Variants in MTMR2 observed in about 807,000 individuals in gnomAD.
MTMR2 encodes myotubularin related protein 2, also known as phosphatidylinositol-3,5-bisphosphate 3-phosphatase MTMR2.
Under a neutral mutation model 86.9 loss-of-function variants are expected in MTMR2, and 55 were observed. The ratio of observed to expected loss-of-function variants is 0.63; its 90% CI spans 0.51 to 0.79. The LOEUF (loss-of-function observed/expected upper bound fraction) is 0.79. Among genes scored for constraint, MTMR2 ranks in the 30% least tolerant of loss-of-function variants. MTMR2 has a pLI of 0.00. For missense variants in MTMR2, 659 were observed against 772.3 expected (o/e 0.85, Z 1.74); for synonymous variants, 241 against 266.8 (o/e 0.90, Z 0.94).
At chr11:95,850,084 T>C (rs1863959722) in intron 8 of MTMR2, among the ~76,000 whole-genome samples, 1 of 152,140 alleles carries the variant, frequency 6.6e-6, no homozygotes, top group Non-Finnish European at 1.5e-5. Flanking sequence ...TAGGAAAGTA[T>C]TTGATTATTG....
chr11:95,840,520 A>G (rs780013944), intron 12 of MTMR2, among the ~76,000 whole-genome samples: 1 of 152,156 alleles, frequency 6.6e-6, no homozygotes, highest in Non-Finnish European at 1.5e-5. Context: ...CAACACACCA[A>G]AGGTCTGATT....
At chr11:95,839,476 G>A (rs537625872) in intron 12 of MTMR2, among the ~76,000 whole-genome samples, 1 of 152,186 alleles carries the variant, frequency 6.6e-6, no homozygotes, top group African/African-American at 2.4e-5. Flanking sequence ...AAAACTGTTA[G>A]CTCAGTTATG....
At position 95,910,098 on chromosome 11, in the gene MTMR2, AAC is replaced by A. The variant is rs137969295; in HGVS notation, c.80+13775_80+13776del. 2.6e-4 allele frequency among the ~76,000 whole-genome samples: 38 copies of A among 148,686 alleles called. 1 individual carries two copies. Among genetic ancestry groups the A allele is most frequent in the South Asian group, 1.9e-3 (9 of 4,678 alleles). ...TTGGGGAGAAATTTTTTTAAATATAAACACACACACACACACGCACGCATGCA... is the reference window on the plus strand; with the variant it reads ...TTGGGGAGAAATTTTTTTAAATATAAACACACACACACACGCACGCATGCA... On this transcript the variant is annotated intron_variant, in intron 1 of 14. Transcript: ENST00000346299.
chr11:95,899,730 CAGTGACTTGTT>C (rs1866003716), intron 1 of MTMR2, among the ~76,000 whole-genome samples: 2 of 151,742 alleles, frequency 1.3e-5, no homozygotes, highest in Non-Finnish European at 2.9e-5. Flanking sequence ...ATTTGCTGGC[CAGTGACTTGTT>C]AGTAGGATTT....
chr11:95,836,145 T>A lies in MTMR2; in HGVS notation c.1770+3A>T, dbSNP rs756909627. 1.9e-6 allele frequency: 3 copies of A among 1,612,026 alleles called. No individual in the cohort carries two copies. Among genetic ancestry groups the A allele is most frequent in the Non-Finnish European group, 2.5e-6 (3 of 1,178,312 alleles). On this transcript the variant is annotated splice_donor_region_variant and intron_variant, in intron 14 of 14. Coordinates refer to ENST00000346299, the MANE Select transcript of MTMR2 (RefSeq NM_016156.6). Reference sequence around the variant, plus strand: ...CTCCCATTGTATATTGTAAGGCACATACCTGTGGTTTCATCCGTGGATTCC... The same window carrying A: ...CTCCCATTGTATATTGTAAGGCACAAACCTGTGGTTTCATCCGTGGATTCC...
At chr11:95,851,085 C>CA (rs1864003243) in intron 7 of MTMR2, among the ~76,000 whole-genome samples, 1 of 103,858 alleles carries the variant, frequency 9.6e-6, no homozygotes, top group African/African-American at 3.9e-5. Context: ...TTTTTTGAGA[C>CA]AGAGTCTCAC....
intron 7 of MTMR2, among the ~76,000 whole-genome samples, chr11:95,856,142 C>T (rs1008169411): frequency 6.6e-6 from 1 of 151,908 alleles, no homozygotes; most frequent in African/African-American, 2.4e-5. Context: ...AATACCCACA[C>T]ATATATACAC....
chr11:95,896,303 A>AT (rs543694775), intron 1 of MTMR2, among the ~76,000 whole-genome samples: 148 of 149,434 alleles, frequency 9.9e-4, no homozygotes, highest in African/African-American at 2.7e-3. Flanking sequence ...TTGATTAATG[A>AT]TTTTTTTTTG....
rs182004069 is a variant in MTMR2 at position 95,845,282 on chromosome 11, T to A, written c.1180-123A>T. ...TAACATGAGGAAAAACATTTGTCCC[T>A]TCCTAAGAAGAATTTTTTTAAATGG... On this transcript the variant is annotated intron_variant, in intron 10 of 14. Transcript: ENST00000346299. 2.6e-5 allele frequency: 24 copies of A among 909,046 alleles called. 1 individual carries two copies. The highest frequency in any genetic ancestry group is 2.5e-4 in the African/African-American group (15 of 60,382). The allele number at this position is 909,046 out of a possible 1,614,324, so 56.3% of individuals were successfully genotyped here.
intron 13 of MTMR2, among the ~76,000 whole-genome samples, chr11:95,836,534 T>C (rs1863294943): frequency 6.6e-6 from 1 of 151,970 alleles, no homozygotes; most frequent in Admixed American, 6.6e-5. Flanking sequence ...GACCCAACAA[T>C]TCCACTCTTG....
intron 1 of MTMR2, among the ~76,000 whole-genome samples, chr11:95,908,356 A>G (rs1283974897): frequency 1.3e-5 from 2 of 152,198 alleles, no homozygotes; most frequent in Non-Finnish European, 2.9e-5. Flanking sequence ...AAGCAAATTG[A>G]AACACATTCC....
chr11:95,916,513 G>A (rs1366364027), intron 1 of MTMR2, among the ~76,000 whole-genome samples: 1 of 151,884 alleles, frequency 6.6e-6, no homozygotes, highest in African/African-American at 2.4e-5. Flanking sequence ...GACAATCTGG[G>A]TCCTTGATAC....
At chr11:95,851,383 G>C (rs1864017072) in intron 7 of MTMR2, among the ~76,000 whole-genome samples, 1 of 150,964 alleles carries the variant, frequency 6.6e-6, no homozygotes, top group Admixed American at 6.6e-5. Context: ...TTTTTTTGGA[G>C]ACAGAGTTTC....
At chr11:95,914,881 C>T (rs1441133019) in intron 1 of MTMR2, among the ~76,000 whole-genome samples, 4 of 152,080 alleles carry the variant, frequency 2.6e-5, no homozygotes, top group Non-Finnish European at 5.9e-5. Flanking sequence ...CCGTTTTCTT[C>T]TCTGTAAAAT....
intron 2 of MTMR2, among the ~76,000 whole-genome samples, chr11:95,868,318 GA>G (rs1193599555): frequency 1.0e-4 from 10 of 96,498 alleles, no homozygotes; most frequent in Non-Finnish European, 2.3e-4. Context: ...AAAAGAAAAA[GA>G]AAAAAAAGAA....
At chr11:95,921,085 G>A (rs1400828405) in intron 1 of MTMR2, among the ~76,000 whole-genome samples, 1 of 152,132 alleles carries the variant, frequency 6.6e-6, no homozygotes, top group African/African-American at 2.4e-5. Flanking sequence ...ACCACCTTCA[G>A]ATATAAATTT....
chr11:95,835,551 G>C (rs1373043660), intron 14 of MTMR2, 100 bp from the exon 15 acceptor site: 3 of 1,212,374 alleles, frequency 2.5e-6, no homozygotes. Flanking sequence ...TCAGCTGTTG[G>C]AACCAATGGC....
At chr11:95,914,782 G>A (rs4297422) in intron 1 of MTMR2, among the ~76,000 whole-genome samples, 1 of 152,084 alleles carries the variant, frequency 6.6e-6, no homozygotes, top group African/African-American at 2.4e-5. Context: ...TGGGGCACTA[G>A]ATCTTCAGGC....
At position 95,923,800 on chromosome 11, in the gene MTMR2, G is replaced by C. The variant is rs1867024066; in HGVS notation, c.80+75C>G. The C allele has an allele frequency of 1.8e-5, 27 of 1,521,404 alleles. No homozygotes were observed. The South Asian group carries it at 2.9e-4, about 16-fold the overall frequency. The allele number at this position is 1,521,404 out of a possible 1,614,324, so 94.2% of individuals were successfully genotyped here. A position where few individuals can be genotyped will look rare whatever the true frequency, so the allele number is the denominator to read the frequency against. Reference sequence around the variant, plus strand: ...CAGAAACCAGAATCCGCGAATTGGGGCAACAATCCAGCAGGTCCCCGGCCC... The same window carrying C: ...CAGAAACCAGAATCCGCGAATTGGGCCAACAATCCAGCAGGTCCCCGGCCC... On this transcript the variant is annotated intron_variant, in intron 1 of 14. Transcript: ENST00000346299.
Sources: gnomAD v4.1 joint callset for allele counts (sites outside exome capture counted in the v4.1 genomes callset) on GRCh38, gnomAD v4.1.1 for gene constraint, MANE v1.5 for transcripts, NCBI Gene and HGNC (gene_info 2026-07-23, HGNC 2026-07-21) for gene names.